MAPK4: variants seen among roughly 807,000 people sequenced by gnomAD.
MAPK4 encodes the protein mitogen-activated protein kinase 4.
In MAPK4, 22 loss-of-function variants were observed where a neutral mutation model predicts 47.7. The observed-to-expected ratio is 0.46, with a 90% CI of 0.33 to 0.66. The LOEUF (loss-of-function observed/expected upper bound fraction) is 0.66, where lower values mean the gene tolerates loss of function less well. Ranked by LOEUF, MAPK4 falls within the 30% of genes least tolerant of loss-of-function variation. The pLI, the probability that MAPK4 is intolerant of heterozygous loss-of-function variation, is 0.02. For synonymous variants in MAPK4, 390 were observed against 365.7 expected (o/e 1.07, Z -0.76); for missense variants, 736 against 831.7 (o/e 0.88, Z 1.42).
In MAPK4 at chr18:50,715,067, T is replaced by G. The variant is rs1910567477; in HGVS notation, c.547-12T>G. ...ATGACTGATCAGTGGAACCAGAAATTTTGTCTTTCAGGGTTATCTGTCAGA... is the reference window on the plus strand; with the variant it reads ...ATGACTGATCAGTGGAACCAGAAATGTTGTCTTTCAGGGTTATCTGTCAGA... On this transcript the variant is annotated splice_polypyrimidine_tract_variant and intron_variant, in intron 2 of 5. Coordinates refer to ENST00000400384, the MANE Select transcript of MAPK4 (RefSeq NM_002747.4). The G allele has an allele frequency of 6.2e-7, 1 of 1,611,838 alleles. No homozygotes were observed. The highest frequency in any genetic ancestry group is 8.5e-7 in the Non-Finnish European group (1 of 1,179,246).
chr18:50,720,080 G>C (rs1376960071), intron 3 of MAPK4, among the ~76,000 whole-genome samples: 1 of 152,194 alleles, frequency 6.6e-6, no homozygotes, highest in East Asian at 1.9e-4. Context: ...CAGTAGGAAA[G>C]GGACATTGAC....
chr18:50,609,347 G>GC (rs1464375157), intron 1 of MAPK4, among the ~76,000 whole-genome samples: 15 of 137,526 alleles, frequency 1.1e-4, no homozygotes, highest in African/African-American at 2.7e-4. Context: ...GGGCGGAGGC[G>GC]CCCCCCACCT....
intron 2 of MAPK4, among the ~76,000 whole-genome samples, chr18:50,707,423 A>G (rs1248012171): frequency 6.6e-6 from 1 of 152,068 alleles, no homozygotes; most frequent in African/African-American, 2.4e-5. Context: ...TACAAAAATT[A>G]GCAAGGCATG....
intron 1 of MAPK4, among the ~76,000 whole-genome samples, chr18:50,561,927 A>G (rs2042157164): frequency 6.6e-6 from 1 of 152,248 alleles, no homozygotes; most frequent in Non-Finnish European, 1.5e-5. Flanking sequence ...TAATGCTCAA[A>G]GGGACAGAGA....
intron 2 of MAPK4, among the ~76,000 whole-genome samples, chr18:50,712,696 C>T (rs1568092944): frequency 6.7e-6 from 1 of 148,708 alleles, no homozygotes. Flanking sequence ...CCTGTCCCCA[C>T]TGTTCTTTAA....
At chr18:50,564,103 G>A (rs1005142080) in intron 1 of MAPK4, among the ~76,000 whole-genome samples, 1 of 152,166 alleles carries the variant, frequency 6.6e-6, no homozygotes, top group Non-Finnish European at 1.5e-5. Flanking sequence ...TTGAAAGTCT[G>A]GAGGCTTCAT....
chr18:50,598,052 C>T lies in MAPK4; in HGVS notation c.-871+37809C>T, dbSNP rs200237069. Reference sequence around the variant, plus strand: ...GTTTAAAAATTCACTCTCACACATTCATCCTTTTGGGTTTTAAAAGCTTCC... The same window carrying T: ...GTTTAAAAATTCACTCTCACACATTTATCCTTTTGGGTTTTAAAAGCTTCC... On this transcript the variant is annotated intron_variant, in intron 1 of 5. Coordinates refer to ENST00000400384, the MANE Select transcript of MAPK4 (RefSeq NM_002747.4). 1.1e-3 allele frequency among the ~76,000 whole-genome samples: 170 copies of T among 152,318 alleles called. 1 individual carries two copies. In the South Asian group the frequency reaches 0.019, roughly 17 times the overall value.
At chr18:50,580,131 C>G (rs909616060) in intron 1 of MAPK4, among the ~76,000 whole-genome samples, 9 of 152,160 alleles carry the variant, frequency 5.9e-5, no homozygotes, top group African/African-American at 1.9e-4. Flanking sequence ...CCCTGTCATC[C>G]CCCTTCCTCC....
intron 2 of MAPK4, among the ~76,000 whole-genome samples, chr18:50,679,286 C>T (rs1158749683): frequency 6.6e-6 from 1 of 152,158 alleles, no homozygotes; most frequent in Non-Finnish European, 1.5e-5. Flanking sequence ...TTGTCTTAGC[C>T]ACGTTTTCTT....
At chr18:50,564,959 A>G (rs950516920) in intron 1 of MAPK4, among the ~76,000 whole-genome samples, 2 of 152,242 alleles carry the variant, frequency 1.3e-5, no homozygotes, top group African/African-American at 4.8e-5. Context: ...GACCCCTCCC[A>G]GGCCTTGGAA....
In MAPK4 at chr18:50,582,693, C is replaced by A. The variant is rs1367330759; in HGVS notation, c.-871+22450C>A. ...CACTCCACCTGCTTGGCCTGGCAGA[C>A]TGTGCTTGGCTTGTGCCCTGGCCCA... On this transcript the variant is annotated intron_variant, in intron 1 of 5. Coordinates refer to ENST00000400384, the MANE Select transcript of MAPK4 (RefSeq NM_002747.4). Among the ~76,000 whole-genome samples the A allele has an allele frequency of 2.6e-5, 4 of 152,250 alleles. No individual in the cohort carries two copies. The South Asian group carries it at 8.3e-4, about 31-fold the overall frequency.
chr18:50,671,280 A>T (rs1222680132), intron 2 of MAPK4, among the ~76,000 whole-genome samples: 1 of 152,212 alleles, frequency 6.6e-6, no homozygotes, highest in Admixed American at 6.5e-5. Flanking sequence ...CCAGGGACCT[A>T]AACCCATAGG....
chr18:50,620,757 A>G (rs1025686), intron 1 of MAPK4, among the ~76,000 whole-genome samples: 39,745 of 151,862 alleles, frequency 0.26, 5,361 homozygotes, highest in East Asian at 0.47. Context: ...TTAAAAATAT[A>G]TATATATAGC....
chr18:50,566,739 C>CT (rs1223695516), intron 1 of MAPK4, among the ~76,000 whole-genome samples: 5 of 152,092 alleles, frequency 3.3e-5, no homozygotes, highest in African/African-American at 9.7e-5. Context: ...TCCTTTATTG[C>CT]TTTTTTTGTA....
intron 2 of MAPK4, among the ~76,000 whole-genome samples, chr18:50,684,997 C>T (rs572456306): frequency 1.4e-3 from 210 of 152,326 alleles, no homozygotes; most frequent in Non-Finnish European, 2.3e-3. Context: ...TCTTGTTTTC[C>T]TGTTTCCTCT....
At chr18:50,625,772 T>C (rs1031440086) in intron 1 of MAPK4, among the ~76,000 whole-genome samples, 2 of 151,864 alleles carry the variant, frequency 1.3e-5, no homozygotes, top group Admixed American at 1.3e-4. Flanking sequence ...CTAGAGCCCC[T>C]CCCAGGTCTC....
At chr18:50,588,491 A>G (rs1053701334) in intron 1 of MAPK4, among the ~76,000 whole-genome samples, 2 of 152,194 alleles carry the variant, frequency 1.3e-5, no homozygotes, top group African/African-American at 4.8e-5. Context: ...AGCACCTTCT[A>G]TTGGTCAAAG....
At chr18:50,715,002 G>T in intron 2 of MAPK4, 77 bp from the exon 3 acceptor site, 1 of 1,445,392 alleles carries the variant, frequency 6.9e-7, no homozygotes, top group South Asian at 1.3e-5. Context: ...TTTCATGGGA[G>T]GGGAAACTGG....
chr18:50,677,521 G>T (rs544493506), intron 2 of MAPK4, among the ~76,000 whole-genome samples: 23 of 152,052 alleles, frequency 1.5e-4, no homozygotes, highest in African/African-American at 5.3e-4. Flanking sequence ...ACTGCCTTCT[G>T]CTCTGAGGTG....
Sources: gnomAD v4.1 joint callset for allele counts (sites outside exome capture counted in the v4.1 genomes callset) on GRCh38, gnomAD v4.1.1 for gene constraint, MANE v1.5 for transcripts, NCBI Gene and HGNC (gene_info 2026-07-23, HGNC 2026-07-21) for gene names.